The following ULK2 variants were observed in gnomAD, a reference collection of about 807,000 sequenced individuals.
ULK2 encodes serine/threonine-protein kinase ULK2.
In ULK2, 76 loss-of-function variants were observed where a neutral mutation model predicts 127.5. The ratio of observed to expected loss-of-function variants is 0.60; its 90% CI spans 0.50 to 0.72. The LOEUF (loss-of-function observed/expected upper bound fraction) is 0.72, where lower values mean the gene tolerates loss of function less well. Among genes scored for constraint, ULK2 ranks in the 30% least tolerant of loss-of-function variants. ULK2 has a pLI of 0.00. For missense variants in ULK2, 1,144 were observed against 1,295.9 expected (o/e 0.88, Z 1.80); for synonymous variants, 452 against 461.9 (o/e 0.98, Z 0.28).
At chr17:19,862,037 A>C (rs1357742532) in intron 3 of ULK2, among the ~76,000 whole-genome samples, 2 of 152,206 alleles carry the variant, frequency 1.3e-5, no homozygotes, top group African/African-American at 4.8e-5. Context: ...AAATATGTTC[A>C]GAAGATATAC....
chr17:19,860,949 C>T (rs1186459522), intron 3 of ULK2: 1 of 152,056 alleles, frequency 6.6e-6, no homozygotes, highest in Admixed American at 6.6e-5. Context: ...ACCTTAATCC[C>T]AGCTATTCAG....
intron 15 of ULK2, among the ~76,000 whole-genome samples, chr17:19,803,986 G>A (rs894872766): frequency 3.3e-5 from 5 of 152,092 alleles, no homozygotes; most frequent in South Asian, 2.1e-4. Flanking sequence ...CCCTGATTAC[G>A]TGCATACTTA....
chr17:19,816,580 G>T, intron 13 of ULK2, 169 bp downstream of exon 13: 1 of 551,252 alleles, frequency 1.8e-6, no homozygotes, highest in Non-Finnish European at 2.8e-6. Context: ...GAAGATGATT[G>T]AGCAAATTTT....
chr17:19,806,658 T>C (rs1004436250), intron 14 of ULK2, among the ~76,000 whole-genome samples: 4 of 152,188 alleles, frequency 2.6e-5, no homozygotes, highest in Non-Finnish European at 4.4e-5. Context: ...CATTTTCCTG[T>C]ACAACTTAAT....
At chr17:19,865,897 G>A in intron 1 of ULK2, 69 bp from the exon 2 acceptor site, 4 of 931,000 alleles carry the variant, frequency 4.3e-6, no homozygotes, top group Middle Eastern at 2.2e-4. Context: ...ATTTACAAGC[G>A]CGAAGGTGTT....
chr17:19,859,234 C>G (rs1004876179), intron 3 of ULK2, among the ~76,000 whole-genome samples: 2 of 152,096 alleles, frequency 1.3e-5, no homozygotes, highest in African/African-American at 4.8e-5. Context: ...CTAGTATAGG[C>G]TGAGTGCGGT....
At position 19,867,363 on chromosome 17, in the gene ULK2, C is replaced by T; in HGVS notation, c.55G>A (p.Ala19Thr). 6.2e-7 allele frequency: 1 copy of T among 1,603,080 alleles called. No individual in the cohort carries two copies. The highest frequency in any genetic ancestry group is 2.3e-5 in the East Asian group (1 of 43,850). Residue 19 changes from alanine (A) to threonine (T), a missense_variant, in exon 1 of 27, where the codon GCC (alanine) becomes ACC (threonine). Transcript: ENST00000395544. ...YSKRDLVGHG[A>T]FAVVFRGRHR... is the part of the protein sequence containing the mutation. Reference sequence around the variant, plus strand: ...CGCCCCCGGAAGACCACGGCGAAGGCCCCGTGTCCCACGAGATCCCTCTTG... The same window carrying T: ...CGCCCCCGGAAGACCACGGCGAAGGTCCCGTGTCCCACGAGATCCCTCTTG...
intron 13 of ULK2, among the ~76,000 whole-genome samples, chr17:19,815,611 C>G (rs1327799204): frequency 6.6e-6 from 1 of 152,184 alleles, no homozygotes; most frequent in African/African-American, 2.4e-5. Flanking sequence ...TTTAAAAACA[C>G]ATCTAAGACA....
At chr17:19,810,625 C>T (rs1421583069) in intron 13 of ULK2, among the ~76,000 whole-genome samples, 187 bp from the exon 14 acceptor site, 1 of 152,168 alleles carries the variant, frequency 6.6e-6, no homozygotes, top group Non-Finnish European at 1.5e-5. Context: ...ACATAGGCTG[C>T]AACTCTTTGG....
At chr17:19,802,046 G>T in intron 15 of ULK2, 124 bp from the exon 16 acceptor site, 1 of 1,089,494 alleles carries the variant, frequency 9.2e-7, no homozygotes, top group Non-Finnish European at 1.3e-6. Flanking sequence ...CAGTCACATG[G>T]AACAATTATA....
At chr17:19,819,007 G>C (rs1251255312) in intron 12 of ULK2, among the ~76,000 whole-genome samples, 4 of 151,698 alleles carry the variant, frequency 2.6e-5, no homozygotes, top group Non-Finnish European at 4.4e-5. Flanking sequence ...CACCATCTTG[G>C]CCAGGCTGGC....
chr17:19,819,281 C>T (rs1490225422), intron 12 of ULK2, among the ~76,000 whole-genome samples: 2 of 152,170 alleles, frequency 1.3e-5, no homozygotes, highest in Non-Finnish European at 2.9e-5. Context: ...CTTTTTGCTC[C>T]ATCTGTACTG....
chr17:19,862,105 T>G (rs762425135), intron 3 of ULK2, among the ~76,000 whole-genome samples: 2 of 152,016 alleles, frequency 1.3e-5, no homozygotes, highest in African/African-American at 4.8e-5. Context: ...TTCTTTTTTT[T>G]TTCCCCCCCG....
intron 13 of ULK2, among the ~76,000 whole-genome samples, chr17:19,814,215 G>A (rs969914336): frequency 1.3e-5 from 2 of 151,342 alleles, no homozygotes; most frequent in African/African-American, 4.9e-5. Flanking sequence ...CTACAAAAAT[G>A]AGTTACAGGT....
intron 24 of ULK2, 134 bp from the exon 25 acceptor site, chr17:19,780,763 A>AT: frequency 9.1e-7 from 1 of 1,104,664 alleles, no homozygotes; most frequent in Non-Finnish European, 1.3e-6. Context: ...CAGAAATAGG[A>AT]TTTTTTCATG....
At chr17:19,851,325 T>A (rs1360217129) in intron 3 of ULK2, among the ~76,000 whole-genome samples, 25 of 21,782 alleles carry the variant, frequency 1.1e-3, no homozygotes, top group African/African-American at 3.5e-3. Flanking sequence ...AGACTTCCCC[T>A]CAAAAAAAAA....
chr17:19,843,813 C>G (rs1251538900), intron 7 of ULK2, among the ~76,000 whole-genome samples: 1 of 151,998 alleles, frequency 6.6e-6, no homozygotes, highest in African/African-American at 2.4e-5. Context: ...CGCCTGCAAC[C>G]ATGCCCAGCT....
At chr17:19,836,774 C>T (rs1417375925) in intron 10 of ULK2, among the ~76,000 whole-genome samples, 1 of 149,046 alleles carries the variant, frequency 6.7e-6, no homozygotes, top group African/African-American at 2.5e-5. Context: ...GGCATGGTGG[C>T]GGGCGCCTGT....
At chr17:19,822,615 G>A (rs7213313) in intron 12 of ULK2, among the ~76,000 whole-genome samples, 1,873 of 151,894 alleles carry the variant, frequency 0.012, 33 homozygotes, top group African/African-American at 0.043. Flanking sequence ...TGGTCCACCC[G>A]CCTCAGACTT....
Sources: allele counts gnomAD v4.1 joint callset (sites outside exome capture counted in the v4.1 genomes callset), GRCh38; gene constraint gnomAD v4.1.1; transcripts MANE v1.5; gene names NCBI Gene and HGNC (gene_info 2026-07-23, HGNC 2026-07-21).